Variants in CEP43 observed in about 807,000 individuals in gnomAD.
CEP43 encodes the protein centrosomal protein 43.
A neutral mutation model predicts 52.6 loss-of-function variants in CEP43; 36 were observed. The observed-to-expected ratio is 0.68, with a 90% CI of 0.52 to 0.90. The LOEUF (loss-of-function observed/expected upper bound fraction) is 0.90. Ranked by LOEUF, CEP43 falls within the 40% of genes least tolerant of loss-of-function variation. CEP43 has a pLI of 0.00. For missense variants in CEP43, 506 were observed against 472.8 expected (o/e 1.07, Z -0.65); for synonymous variants, 192 against 172.4 (o/e 1.11, Z -0.89).
chr6:167,002,271 T>G (rs1779754669), intron 2 of CEP43, among the ~76,000 whole-genome samples: 1 of 152,172 alleles, frequency 6.6e-6, no homozygotes, highest in African/African-American at 2.4e-5. Context: ...TTTTTTGGTC[T>G]GTTTCTTCAA....
chr6:167,003,779 A>G lies in CEP43; in HGVS notation c.268A>G (p.Thr90Ala). Residue 90 changes from threonine (T) to alanine (A), a missense_variant, in exon 4 of 13, where the codon ACT becomes GCT. Coordinates refer to ENST00000366847, the MANE Select transcript of CEP43 (RefSeq NM_007045.4). ...TCTTCAGTTTTTTAACCTTGACTTT[A>G]CTTTGGCTGTTTTTCAACCTGAAAC... ...EFLQFFNLDF[T>A]LAVFQPETST... The G allele has an allele frequency of 5.0e-6, 8 of 1,611,582 alleles. No homozygotes were observed. The highest frequency in any genetic ancestry group is 5.9e-6 in the Non-Finnish European group (7 of 1,178,294).
rs1316615308 is a variant in CEP43 at position 167,049,327 on chromosome 6, C to T, written c.*9349C>T. ...ACCACAGTAAATTTTGAAAAATTCA[C>T]CCCAAAAAGAAACCTTGTATCCATT... On this transcript the variant is annotated 3_prime_UTR_variant, in exon 13 of 13. Transcript: ENST00000366847. 2 of 152,228 alleles carry T rather than the reference C, an allele frequency of 1.3e-5. No individual in the cohort carries two copies. The highest frequency in any genetic ancestry group is 6.5e-5 in the Admixed American group (1 of 15,280). 9.4% of individuals were successfully genotyped at this position (152,228 alleles called of 1,614,324 possible). A position where few individuals can be genotyped will look rare whatever the true frequency, so the allele number is the denominator to read the frequency against.
chr6:167,037,684 G>T (rs1448022747), intron 12 of CEP43, among the ~76,000 whole-genome samples: 2 of 152,376 alleles, frequency 1.3e-5, no homozygotes, highest in East Asian at 3.9e-4. Context: ...GAGAGGATAT[G>T]TGGGGGGCAG....
intron 7 of CEP43, among the ~76,000 whole-genome samples, chr6:167,020,453 T>C (rs1394506119): frequency 1.3e-5 from 2 of 152,194 alleles, no homozygotes; most frequent in African/African-American, 2.4e-5. Flanking sequence ...TCTTGTTCGG[T>C]AATGTCTAAC....
chr6:167,014,402 A>G (rs1030095082), intron 7 of CEP43, among the ~76,000 whole-genome samples: 2 of 152,246 alleles, frequency 1.3e-5, no homozygotes, highest in Admixed American at 1.3e-4. Context: ...CCTAAAGATC[A>G]CAAAAATTGA....
At chr6:167,019,604 T>G (rs1780180111) in intron 7 of CEP43, among the ~76,000 whole-genome samples, 1 of 152,238 alleles carries the variant, frequency 6.6e-6, no homozygotes, top group Admixed American at 6.5e-5. Context: ...GTTTCAGAAT[T>G]TATTTTTACT....
chr6:167,041,836 G>C lies in CEP43; in HGVS notation c.*1858G>C, dbSNP rs41269609. 3 of 912,690 alleles carry C rather than the reference G, an allele frequency of 3.3e-6. No individual in the cohort carries two copies. In the African/African-American group the frequency reaches 5.4e-5, roughly 17 times the overall value. 56.5% of individuals were successfully genotyped at this position (912,690 alleles called of 1,614,324 possible). On this transcript the variant is annotated 3_prime_UTR_variant, in exon 13 of 13. Transcript: ENST00000366847. ...TACATACATCTTTTTTTTGCGGGGG[G>C]CGGGGGGGACAGAGTCTCACTGTGT...
rs1562532852 is a variant in CEP43 at position 167,032,661 on chromosome 6, C to T, written c.1028+19C>T. The T allele has an allele frequency of 3.2e-6, 5 of 1,551,518 alleles. No individual in the cohort carries two copies. Among genetic ancestry groups the T allele is most frequent in the South Asian group, 1.2e-5 (1 of 82,242 alleles). ...TTAATAGGTAAGAAAAACTATTGGG[C>T]AAATATATAAATATATACGTTATTT... On this transcript the variant is annotated intron_variant, in intron 11 of 12. Coordinates refer to ENST00000366847, the MANE Select transcript of CEP43 (RefSeq NM_007045.4).
chr6:167,030,252 T>C (rs888477340), intron 10 of CEP43, among the ~76,000 whole-genome samples: 3 of 152,224 alleles, frequency 2.0e-5, no homozygotes, highest in Admixed American at 6.5e-5. Flanking sequence ...CTGTCTCAGC[T>C]CAGTGTCCAC....
At chr6:167,000,817 C>T (rs530108738) in intron 2 of CEP43, among the ~76,000 whole-genome samples, 3 of 152,336 alleles carry the variant, frequency 2.0e-5, no homozygotes, top group East Asian at 3.9e-4. Flanking sequence ...CCCTATGGGT[C>T]TGGACCCCTA....
In CEP43 at chr6:167,022,502, A is replaced by G. The variant is rs1780259956; in HGVS notation, c.673A>G (p.Lys225Glu). 2 of 1,613,994 alleles carry G rather than the reference A, an allele frequency of 1.2e-6. No individual in the cohort carries two copies. Among genetic ancestry groups the G allele is most frequent in the South Asian group, 2.2e-5 (2 of 91,070 alleles). Residue 225 changes from lysine (K) to glutamate (E), a missense_variant, in exon 8 of 13, where the codon AAA (lysine) becomes GAA (glutamate). By Grantham distance (56) the Lys-to-Glu change is moderately conservative. Transcript: ENST00000366847. ...SSLHLLSHET[K>E]IGSFLSNRTL... ...CCTTCACTTACTGTCCCATGAAACA[A>G]AAATTGGATCTTTTCTAAGCAACAG...
chr6:167,001,871 T>C (rs183500661), intron 2 of CEP43, among the ~76,000 whole-genome samples: 7 of 152,252 alleles, frequency 4.6e-5, no homozygotes, highest in Admixed American at 3.9e-4. Context: ...GAAGTCCTTT[T>C]TCCACATTGC....
At position 167,041,902 on chromosome 6, in the gene CEP43, C is replaced by T; in HGVS notation, c.*1924C>T. On this transcript the variant is annotated 3_prime_UTR_variant, in exon 13 of 13. Transcript: ENST00000366847. ...ACAGTGATGCGATCTCGGCTCACTG[C>T]AACCTCCGCCTCCTGGGTTCAAGCG... 3.0e-6 allele frequency: 2 copies of T among 673,288 alleles called. No individual in the cohort carries two copies. Among genetic ancestry groups the T allele is most frequent in the Non-Finnish European group, 3.7e-6 (2 of 538,104 alleles). The allele number at this position is 673,288 out of a possible 1,614,324, so 41.7% of individuals were successfully genotyped here.
In CEP43 at chr6:167,041,842, G is replaced by GC; in HGVS notation, c.*1864_*1865insC. The GC allele has an allele frequency of 2.4e-6, 1 of 417,128 alleles. No individual in the cohort carries two copies. The highest frequency in any genetic ancestry group is 3.2e-6 in the Non-Finnish European group (1 of 312,840). The allele number at this position is 417,128 out of a possible 1,614,324, so 25.8% of individuals were successfully genotyped here. On this transcript the variant is annotated 3_prime_UTR_variant, in exon 13 of 13. Coordinates refer to ENST00000366847, the MANE Select transcript of CEP43 (RefSeq NM_007045.4). ...CATCTTTTTTTTGCGGGGGGCGGGG[G>GC]GGACAGAGTCTCACTGTGTCACTCA...
chr6:167,020,925 A>G (rs1249782038), intron 7 of CEP43, among the ~76,000 whole-genome samples: 1 of 151,322 alleles, frequency 6.6e-6, no homozygotes, highest in Non-Finnish European at 1.5e-5. Flanking sequence ...AAAAAAAAAA[A>G]AAAAAAAGAT....
At chr6:167,020,296 G>C (rs1242343322) in intron 7 of CEP43, among the ~76,000 whole-genome samples, 26 of 152,016 alleles carry the variant, frequency 1.7e-4, no homozygotes. Flanking sequence ...TCTCTAGAAG[G>C]CAATAAAATT....
intron 7 of CEP43, among the ~76,000 whole-genome samples, chr6:167,016,274 T>C (rs1780096755): frequency 6.6e-6 from 1 of 152,222 alleles, no homozygotes; most frequent in Admixed American, 6.5e-5. Context: ...TCTGTTTCTT[T>C]TTAGAGACAA....
chr6:167,028,327 G>A, intron 10 of CEP43: 2 of 985,334 alleles, frequency 2.0e-6, no homozygotes, highest in Non-Finnish European at 2.4e-6. Context: ...AGAGTTGCTG[G>A]GTACAGGCAG....
At chr6:167,003,500 T>C in intron 3 of CEP43, 1 of 520,758 alleles carries the variant, frequency 1.9e-6, no homozygotes, top group Non-Finnish European at 3.4e-6. Context: ...CTGAAATCTA[T>C]GAGATGATTG....
Sources: gnomAD v4.1 joint callset for allele counts (sites outside exome capture counted in the v4.1 genomes callset) on GRCh38, gnomAD v4.1.1 for gene constraint, MANE v1.5 for transcripts, NCBI Gene and HGNC (gene_info 2026-07-23, HGNC 2026-07-21) for gene names.